Variants in TPTE observed in about 807,000 individuals in gnomAD.
The protein encoded by TPTE is putative tyrosine-protein phosphatase TPTE.
In TPTE, 59 loss-of-function variants were observed where a neutral mutation model predicts 84.1. The observed-to-expected ratio is 0.70, with a 90% confidence interval of 0.57 to 0.87. TPTE has a LOEUF of 0.87. TPTE is among the 40% of genes least tolerant of loss of function. The pLI, the probability that TPTE is intolerant of heterozygous loss-of-function variation, is 0.00. For missense variants in TPTE, 382 were observed against 659.6 expected (o/e 0.58, Z 4.61); for synonymous variants, 130 against 223.5 (o/e 0.58, Z 3.73).
chr21:10,593,969 A>T (rs1231112624), intron 19 of TPTE, among the ~76,000 whole-genome samples: 1 of 152,310 alleles, frequency 6.6e-6, no homozygotes, highest in African/African-American at 2.4e-5. Context: ...AAAACAAAAC[A>T]AAACAAAACA....
At chr21:10,603,775 A>C (rs1490139008) in intron 23 of TPTE, 143 bp downstream of exon 23, 1 of 1,080,142 alleles carries the variant, frequency 9.3e-7, no homozygotes, top group Non-Finnish European at 1.3e-6. Context: ...TCCTTGCCTT[A>C]CTCTTCTTAC....
At chr21:10,582,125 C>A (rs1228021267) in intron 17 of TPTE, among the ~76,000 whole-genome samples, 1 of 152,308 alleles carries the variant, frequency 6.6e-6, no homozygotes, top group Non-Finnish European at 1.5e-5. Flanking sequence ...GAAATTCACC[C>A]CCCTATACTG....
At chr21:10,547,159 C>T (rs867538567) in intron 7 of TPTE, among the ~76,000 whole-genome samples, 28 of 152,414 alleles carry the variant, frequency 1.8e-4, no homozygotes, top group East Asian at 3.8e-4. Flanking sequence ...TCCTGGGGCC[C>T]GTGCGAATTA....
chr21:10,586,834 A>G (rs1384855369), intron 17 of TPTE, among the ~76,000 whole-genome samples: 3 of 152,298 alleles, frequency 2.0e-5, no homozygotes, highest in African/African-American at 7.2e-5. Context: ...TACTACACTG[A>G]CTTTCTACAC....
chr21:10,589,383 T>A (rs564177005), intron 17 of TPTE, among the ~76,000 whole-genome samples: 13 of 152,382 alleles, frequency 8.5e-5, no homozygotes, highest in African/African-American at 3.1e-4. Context: ...GCTGGCTGTG[T>A]ACTTCATCCT....
intron 10 of TPTE, among the ~76,000 whole-genome samples, chr21:10,561,792 C>CTGTA (rs2074810654): frequency 6.6e-6 from 1 of 152,308 alleles, no homozygotes; most frequent in Admixed American, 6.5e-5. Flanking sequence ...GTGGATCCAC[C>CTGTA]TGTAGGCTAG....
At chr21:10,546,202 T>A (rs1189939111) in intron 7 of TPTE, among the ~76,000 whole-genome samples, 19 of 152,304 alleles carry the variant, frequency 1.2e-4, no homozygotes. Flanking sequence ...CTTTTTATTA[T>A]CATATCTGTT....
At chr21:10,538,269 C>T (rs2074303704) in intron 3 of TPTE, among the ~76,000 whole-genome samples, 1 of 152,310 alleles carries the variant, frequency 6.6e-6, no homozygotes, top group Non-Finnish European at 1.5e-5. Context: ...CTCAGACCTG[C>T]AGTTACTTTA....
At chr21:10,566,968 A>C (rs1381785766) in intron 10 of TPTE, among the ~76,000 whole-genome samples, 2 of 149,470 alleles carry the variant, frequency 1.3e-5, no homozygotes, top group Non-Finnish European at 3.0e-5. Context: ...CAAGAGTGAA[A>C]CTCCATCTCA....
chr21:10,573,972 GA>G (rs1220014416), intron 14 of TPTE, among the ~76,000 whole-genome samples: 1 of 152,300 alleles, frequency 6.6e-6, no homozygotes, highest in East Asian at 1.9e-4. Flanking sequence ...TGGATTCAAG[GA>G]GTAGAAAATA....
At chr21:10,538,624 A>G (rs1188732667) in intron 3 of TPTE, 57 bp from the exon 4 acceptor site, 1 of 1,612,616 alleles carries the variant, frequency 6.2e-7, no homozygotes, top group Non-Finnish European at 8.5e-7. Context: ...GTTTTACCAG[A>G]AAAGTAAATT....
At chr21:10,604,133 A>AGT (rs1978970977) in intron 23 of TPTE, among the ~76,000 whole-genome samples, 1 of 152,272 alleles carries the variant, frequency 6.6e-6, no homozygotes, top group Admixed American at 6.5e-5. Context: ...AATATCATTA[A>AGT]GTAATAGTCT....
At chr21:10,603,206 A>C (rs1330491326) in intron 22 of TPTE, among the ~76,000 whole-genome samples, 6 of 152,312 alleles carry the variant, frequency 3.9e-5, no homozygotes, top group South Asian at 2.1e-4. Flanking sequence ...GCAACAAAAA[A>C]ATTACAAGAA....
intron 8 of TPTE, among the ~76,000 whole-genome samples, chr21:10,555,735 C>T (rs1278479802): frequency 6.6e-6 from 1 of 152,306 alleles, no homozygotes; most frequent in Non-Finnish European, 1.5e-5. Context: ...TTGCTATTAT[C>T]TGATTTGTTT....
chr21:10,564,637 G>A (rs1356020255), intron 10 of TPTE, among the ~76,000 whole-genome samples: 4 of 152,426 alleles, frequency 2.6e-5, no homozygotes, highest in African/African-American at 9.6e-5. Context: ...ACAATATATG[G>A]GAAAGATCAC....
At chr21:10,559,811 T>A (rs2074757876) in intron 9 of TPTE, among the ~76,000 whole-genome samples, 1 of 151,506 alleles carries the variant, frequency 6.6e-6, no homozygotes, top group African/African-American at 2.4e-5. Context: ...GAGGCATAGA[T>A]TGCAGTGAGC....
At chr21:10,557,036 T>C (rs1207054294) in intron 8 of TPTE, among the ~76,000 whole-genome samples, 1 of 152,310 alleles carries the variant, frequency 6.6e-6, no homozygotes, top group Admixed American at 6.5e-5. Context: ...ATGCAGAAGC[T>C]CTTTAGTTTA....
intron 14 of TPTE, among the ~76,000 whole-genome samples, chr21:10,572,247 C>T (rs1341933770): frequency 6.6e-6 from 1 of 152,298 alleles, no homozygotes; most frequent in Non-Finnish European, 1.5e-5. Flanking sequence ...GCCAGGAGTT[C>T]AAGGCGAGCA....
At chr21:10,533,846 G>A (rs1400186682) in intron 3 of TPTE, among the ~76,000 whole-genome samples, 1 of 152,310 alleles carries the variant, frequency 6.6e-6, no homozygotes, top group African/African-American at 2.4e-5. Flanking sequence ...AGAATGATTC[G>A]TGAGTTGGGA....
Sources: gnomAD v4.1 joint callset for allele counts (sites outside exome capture counted in the v4.1 genomes callset) on GRCh38, gnomAD v4.1.1 for gene constraint, MANE v1.5 for transcripts, NCBI Gene and HGNC (gene_info 2026-07-23, HGNC 2026-07-21) for gene names.